Variants in CAMTA1 observed in about 807,000 individuals in gnomAD.
The protein encoded by CAMTA1 is calmodulin binding transcription activator 1.
CAMTA1 carries 27 observed loss-of-function variants against 170.9 expected under a neutral mutation model. That is an observed-to-expected ratio of 0.16 (90% CI 0.12 to 0.22). CAMTA1 has a LOEUF of 0.22. CAMTA1 is among the 10% of genes least tolerant of loss of function. The probability of loss-of-function intolerance (pLI) is 1.00; values close to 1 mark genes in which losing one functional copy is unlikely to be tolerated. For missense variants in CAMTA1, 1,619 were observed against 2,217.2 expected (o/e 0.73, Z 5.42); for synonymous variants, 833 against 891.5 (o/e 0.93, Z 1.17).
intron 6 of CAMTA1, among the ~76,000 whole-genome samples, chr1:7,488,478 TCACACACACACAATA>T (rs1347446524): frequency 6.6e-6 from 1 of 151,876 alleles, no homozygotes; most frequent in African/African-American, 2.4e-5. Flanking sequence ...GCCCATCCCA[TCACACACACACAATA>T]CACACACACG....
intron 6 of CAMTA1, among the ~76,000 whole-genome samples, chr1:7,499,960 G>C (rs376220590): frequency 6.8e-6 from 1 of 147,502 alleles, no homozygotes; most frequent in South Asian, 2.3e-4. Flanking sequence ...GGAGAGGACT[G>C]TGTGAGCCTG....
chr1:6,847,532 G>A (rs192028424), intron 3 of CAMTA1, among the ~76,000 whole-genome samples: 191 of 150,754 alleles, frequency 1.3e-3, no homozygotes, highest in Middle Eastern at 3.4e-3. Context: ...GCCACGTTGC[G>A]TTTAAATTTT....
intron 3 of CAMTA1, among the ~76,000 whole-genome samples, chr1:6,845,863 A>G (rs1657884467): frequency 6.6e-6 from 1 of 152,232 alleles, no homozygotes; most frequent in Admixed American, 6.5e-5. Flanking sequence ...GTAAAGACAT[A>G]CCTGAGACTG....
Position 7,738,317 on chromosome 1 carries a change from G to A in CAMTA1, c.4017G>A (p.Pro1339=), listed in dbSNP as rs773723078. The stretch of plus-strand genomic sequence containing the variant: ...CTACAGTACAGGTGACTGGAAATCC[G>A]AAGGGGACCAGTGTAGGAAAGGAGG... ...GVSTVQVTGN[P]KGTSVGKEAA... Residue 1339 remains proline (P), a synonymous_variant, in exon 16 of 23, where the codon CCG becomes CCA. Transcript: ENST00000303635. The surrounding 1 kb of genome is among the most constrained non-coding windows in gnomAD (Gnocchi z 4.9). The A allele has an allele frequency of 1.3e-5, 21 of 1,614,070 alleles. No homozygotes were observed. The highest frequency in any genetic ancestry group is 2.2e-5 in the South Asian group (2 of 91,084).
chr1:7,421,091 C>T (rs1015706132), intron 5 of CAMTA1, among the ~76,000 whole-genome samples: 1 of 152,204 alleles, frequency 6.6e-6, no homozygotes, highest in African/African-American at 2.4e-5. Context: ...TTCCAGCACC[C>T]CTTGGAATAG....
chr1:6,946,496 C>T (rs569801918), intron 3 of CAMTA1, among the ~76,000 whole-genome samples: 4 of 152,110 alleles, frequency 2.6e-5, no homozygotes, highest in Admixed American at 6.6e-5. Context: ...CTAGACCTAT[C>T]TTTCTTTTTG....
intron 4 of CAMTA1, among the ~76,000 whole-genome samples, chr1:7,231,142 C>T (rs74053606): frequency 0.085 from 12,860 of 152,136 alleles, 1,694 homozygotes; most frequent in African/African-American, 0.29. Flanking sequence ...AAGCAGCCCC[C>T]GGGGGATCTG....
At chr1:7,449,828 A>G (rs894852311) in intron 5 of CAMTA1, among the ~76,000 whole-genome samples, 3 of 151,824 alleles carry the variant, frequency 2.0e-5, no homozygotes, top group Non-Finnish European at 2.9e-5. Flanking sequence ...GGGGCCCAGT[A>G]CTCAGTGGAA....
At chr1:6,892,657 C>T (rs1674781459) in intron 3 of CAMTA1, among the ~76,000 whole-genome samples, 1 of 144,694 alleles carries the variant, frequency 6.9e-6, no homozygotes, top group African/African-American at 2.5e-5. Flanking sequence ...AATTCTATAC[C>T]TGTTTCTGTG....
intron 6 of CAMTA1, among the ~76,000 whole-genome samples, chr1:7,537,307 CTCCAGGCAG>C (rs1300301075): frequency 6.6e-6 from 1 of 152,230 alleles, no homozygotes; most frequent in East Asian, 1.9e-4. Flanking sequence ...ACAGCCCCTG[CTCCAGGCAG>C]TCGGCAAAGT....
chr1:7,576,020 T>C (rs2095187402), intron 6 of CAMTA1, among the ~76,000 whole-genome samples: 2 of 152,066 alleles, frequency 1.3e-5, no homozygotes, highest in African/African-American at 4.8e-5. Context: ...TGTTTTGTTT[T>C]GTTTTTGAGA....
intron 4 of CAMTA1, among the ~76,000 whole-genome samples, chr1:7,145,538 T>C (rs1213448814): frequency 6.6e-6 from 1 of 152,148 alleles, no homozygotes; most frequent in East Asian, 1.9e-4. Context: ...GGAGGGTGAC[T>C]TGGGAATGAG....
intron 3 of CAMTA1, among the ~76,000 whole-genome samples, chr1:6,947,973 A>T (rs1687845906): frequency 6.6e-6 from 1 of 152,134 alleles, no homozygotes; most frequent in Non-Finnish European, 1.5e-5. Context: ...GTGAATTGAG[A>T]CAGTTTTACT....
chr1:7,747,591 T>C, intron 18 of CAMTA1, 119 bp from the exon 19 acceptor site: 1 of 568,370 alleles, frequency 1.8e-6, no homozygotes, highest in Admixed American at 3.6e-5. Context: ...TTATCAATAT[T>C]TTTTGGTAAA....
intron 6 of CAMTA1, among the ~76,000 whole-genome samples, chr1:7,624,288 G>A (rs1045996161): frequency 2.6e-5 from 4 of 152,224 alleles, no homozygotes; most frequent in African/African-American, 7.2e-5. Context: ...CTGCCTATGC[G>A]ATTTCTGGGA....
intron 5 of CAMTA1, among the ~76,000 whole-genome samples, chr1:7,457,354 C>T (rs112518893): frequency 0.019 from 2,926 of 151,976 alleles, 103 homozygotes; most frequent in African/African-American, 0.065. Flanking sequence ...GTCGTTAGGC[C>T]GGCGGCCGCT....
intron 6 of CAMTA1, among the ~76,000 whole-genome samples, chr1:7,513,278 C>T (rs190099198): frequency 6.6e-6 from 1 of 152,258 alleles, no homozygotes; most frequent in East Asian, 1.9e-4. Context: ...TCCAGGCTGA[C>T]TCGTGGTCTT....
At chr1:7,406,624 A>T (rs1309893661) in intron 5 of CAMTA1, among the ~76,000 whole-genome samples, 1 of 152,106 alleles carries the variant, frequency 6.6e-6, no homozygotes, top group Non-Finnish European at 1.5e-5. Flanking sequence ...ACACACATGC[A>T]TGCAGACACA....
chr1:7,077,224 G>GT (rs113439901), intron 3 of CAMTA1, among the ~76,000 whole-genome samples: 20,714 of 118,486 alleles, frequency 0.17, 1,862 homozygotes, highest in South Asian at 0.24. Flanking sequence ...TTAAGGAAAG[G>GT]TTTTTTTTTT....
Sources: gnomAD v4.1 joint callset for allele counts (sites outside exome capture counted in the v4.1 genomes callset) on GRCh38, gnomAD v4.1.1 for gene constraint, Gnocchi (gnomAD v3.1) non-coding constraint, MANE v1.5 for transcripts, NCBI Gene and HGNC (gene_info 2026-07-23, HGNC 2026-07-21) for gene names.